Variants in ZXDC observed in about 807,000 individuals in gnomAD.
ZXDC encodes zinc finger protein ZXDC.
ZXDC carries 58 observed loss-of-function variants against 63.6 expected under a neutral mutation model. The observed-to-expected ratio is 0.91, with a 90% CI of 0.74 to 1.13. The LOEUF (loss-of-function observed/expected upper bound fraction) is 1.13. Among genes scored for constraint, ZXDC ranks in the 50% most tolerant of loss-of-function variants. ZXDC has a pLI of 0.00. For missense variants in ZXDC, 1,133 were observed against 1,148.9 expected (o/e 0.99, Z 0.20); for synonymous variants, 561 against 496.1 (o/e 1.13, Z -1.74).
In ZXDC at chr3:126,466,332, CA is replaced by C; in HGVS notation, c.1271-8del. 1.2e-6 allele frequency: 2 copies of C among 1,613,698 alleles called. No individual in the cohort carries two copies. The highest frequency in any genetic ancestry group is 1.7e-6 in the Non-Finnish European group (2 of 1,179,908). On this transcript the variant is annotated splice_polypyrimidine_tract_variant and splice_region_variant and intron_variant, in intron 4 of 9. Transcript: ENST00000389709. The stretch of plus-strand genomic sequence containing the variant: ...GAGAACCTCGCGCAACATCCTGGAA[CA>C]AAAAGAGTAATGAGAGTGAAACCCA...
chr3:126,473,180 G>A (rs375394539), intron 1 of ZXDC, among the ~76,000 whole-genome samples: 1 of 152,102 alleles, frequency 6.6e-6, no homozygotes, highest in South Asian at 2.1e-4. Flanking sequence ...TACCTCCAGG[G>A]TATTTTGGGC....
At chr3:126,445,491 C>G (rs766967914) in intron 7 of ZXDC, among the ~76,000 whole-genome samples, 1 of 151,918 alleles carries the variant, frequency 6.6e-6, no homozygotes, top group Non-Finnish European at 1.5e-5. Flanking sequence ...GGAACTGCCC[C>G]TGGGTTTGGT....
rs557985718 is a variant in ZXDC at position 126,472,614 on chromosome 3, C to T, written c.908-309G>A. Among the ~76,000 whole-genome samples the T allele has an allele frequency of 6.4e-4, 97 of 152,246 alleles. 1 individual carries two copies. The highest frequency in any genetic ancestry group is 2.2e-3 in the African/African-American group (90 of 41,560). On this transcript the variant is annotated intron_variant, in intron 1 of 9. Coordinates refer to ENST00000389709, the MANE Select transcript of ZXDC (RefSeq NM_025112.5). Reference sequence around the variant, plus strand: ...GGCCGGCTCCGGAGCACTGATCCTGCACACACACTGAGACCCAAGAACCCC... The same window carrying T: ...GGCCGGCTCCGGAGCACTGATCCTGTACACACACTGAGACCCAAGAACCCC...
At position 126,475,803 on chromosome 3, in the gene ZXDC, G is replaced by C. The variant is rs1935204067; in HGVS notation, c.63C>G (p.Pro21=). The change falls in exon 1 of 10, where the codon CCC becomes CCG. Residue 21 remains proline, a synonymous_variant. Coordinates refer to ENST00000389709, the MANE Select transcript of ZXDC (RefSeq NM_025112.5). ...TARGGQHGGG[P]GPLRRAPAPL... ...GCGCTGGGGCTCGGCGGAGCGGGCC[G>C]GGGCCGCCGCCATGTTGCCCTCCGC... is the stretch of plus-strand genomic sequence containing the variant. The C allele has an allele frequency of 4.6e-6, 5 of 1,088,644 alleles. No homozygotes were observed. The highest frequency in any genetic ancestry group is 5.6e-6 in the Non-Finnish European group (5 of 897,972). 67.4% of individuals were successfully genotyped at this position (1,088,644 alleles called of 1,614,324 possible). A position where few individuals can be genotyped will look rare whatever the true frequency, so the allele number is the denominator to read the frequency against.
intron 4 of ZXDC, among the ~76,000 whole-genome samples, chr3:126,468,827 C>G (rs1378727653): frequency 6.6e-6 from 1 of 152,058 alleles, no homozygotes; most frequent in African/African-American, 2.4e-5. Context: ...AGGTGACCCC[C>G]ACTTCCACAC....
intron 7 of ZXDC, among the ~76,000 whole-genome samples, chr3:126,447,248 A>C (rs1933917303): frequency 6.6e-6 from 1 of 152,248 alleles, no homozygotes; most frequent in Admixed American, 6.5e-5. Context: ...GGGCATCTCT[A>C]GCTGGCAGAC....
At chr3:126,462,890 C>G (rs1053487035) in intron 5 of ZXDC, among the ~76,000 whole-genome samples, 2 of 152,118 alleles carry the variant, frequency 1.3e-5, no homozygotes, top group African/African-American at 4.8e-5. Flanking sequence ...GCTGGGGGCC[C>G]CCTAGACGGA....
chr3:126,444,249 T>C (rs1318930999), intron 7 of ZXDC, among the ~76,000 whole-genome samples: 2 of 152,328 alleles, frequency 1.3e-5, no homozygotes, highest in South Asian at 2.1e-4. Context: ...ATTAGAAATA[T>C]TGGCCGGGCG....
At chr3:126,473,544 G>A (rs1032008412) in intron 1 of ZXDC, among the ~76,000 whole-genome samples, 10 of 152,226 alleles carry the variant, frequency 6.6e-5, no homozygotes, top group African/African-American at 2.4e-4. Flanking sequence ...GTCATACACA[G>A]AATGATACTC....
chr3:126,445,246 T>G (rs531273056), intron 7 of ZXDC, among the ~76,000 whole-genome samples: 1 of 152,288 alleles, frequency 6.6e-6, no homozygotes, highest in East Asian at 1.9e-4. Context: ...ATAGGGCTCA[T>G]TCCTGAAAAG....
At chr3:126,468,374 C>T (rs1934857114) in intron 4 of ZXDC, among the ~76,000 whole-genome samples, 1 of 152,184 alleles carries the variant, frequency 6.6e-6, no homozygotes, top group African/African-American at 2.4e-5. Flanking sequence ...AGTTCAAACA[C>T]CTACCAAAGT....
At position 126,460,134 on chromosome 3, in the gene ZXDC, C is replaced by T. The variant is rs945985375; in HGVS notation, c.2128-397G>A. The T allele has an allele frequency of 1.1e-5, 11 of 985,282 alleles. No homozygotes were observed. The South Asian group carries it at 1.4e-4, about 13-fold the overall frequency. The allele number at this position is 985,282 out of a possible 1,614,324, so 61.0% of individuals were successfully genotyped here. ...GTTTCACACACGTGCATGGCAGGCC[C>T]GGGGCAGGTCCCACCTTAGAGACCC... On this transcript the variant is annotated intron_variant, in intron 6 of 9. Coordinates refer to ENST00000389709, the MANE Select transcript of ZXDC (RefSeq NM_025112.5).
intron 7 of ZXDC, chr3:126,457,586 G>A (rs779452003): frequency 1.5e-5 from 15 of 985,374 alleles, no homozygotes; most frequent in Non-Finnish European, 1.8e-5. Flanking sequence ...ACCAATGAGT[G>A]CATTAAAATA....
intron 7 of ZXDC, among the ~76,000 whole-genome samples, chr3:126,448,657 C>T (rs1037476559): frequency 2.6e-5 from 4 of 152,190 alleles, no homozygotes; most frequent in African/African-American, 9.6e-5. Flanking sequence ...GCTGGAGGGA[C>T]TAGGGAAGGT....
chr3:126,457,864 A>G (rs1327778986), intron 7 of ZXDC, among the ~76,000 whole-genome samples: 4 of 152,250 alleles, frequency 2.6e-5, no homozygotes, highest in African/African-American at 9.6e-5. Flanking sequence ...CCAACCAACC[A>G]GATCTAACCA....
chr3:126,469,558 CT>C (rs1303812769), intron 4 of ZXDC, among the ~76,000 whole-genome samples: 2 of 152,222 alleles, frequency 1.3e-5, no homozygotes, highest in Non-Finnish European at 2.9e-5. Flanking sequence ...CCCCACACCC[CT>C]GGCTGCTTTC....
intron 7 of ZXDC, among the ~76,000 whole-genome samples, chr3:126,445,206 C>T (rs1933836601): frequency 1.3e-5 from 2 of 152,172 alleles, no homozygotes; most frequent in South Asian, 4.1e-4. Flanking sequence ...AAGTCAATAG[C>T]TGAAAAGAAT....
intron 4 of ZXDC, among the ~76,000 whole-genome samples, chr3:126,467,570 T>G (rs1462208197): frequency 6.6e-6 from 1 of 152,168 alleles, no homozygotes; most frequent in East Asian, 1.9e-4. Context: ...TACGGCCAGA[T>G]GAGTAAGGGC....
chr3:126,447,120 C>T (rs531750894), intron 7 of ZXDC, among the ~76,000 whole-genome samples: 1 of 152,362 alleles, frequency 6.6e-6, no homozygotes, highest in Admixed American at 6.5e-5. Context: ...TCCCATCTCA[C>T]AGCCTTCATG....
Sources: allele counts gnomAD v4.1 joint callset (sites outside exome capture counted in the v4.1 genomes callset), GRCh38; gene constraint gnomAD v4.1.1; transcripts MANE v1.5; gene names NCBI Gene and HGNC (gene_info 2026-07-23, HGNC 2026-07-21).